The following DACH2 variants were observed in gnomAD, a reference collection of about 807,000 sequenced individuals.
DACH2 encodes the protein dachshund homolog 2.
Under a neutral mutation model 35.8 loss-of-function variants are expected in DACH2, and 17 were observed. The observed-to-expected ratio is 0.48, with a 90% CI of 0.33 to 0.71. The LOEUF (loss-of-function observed/expected upper bound fraction) is 0.71, where lower values mean the gene tolerates loss of function less well. Ranked by LOEUF, DACH2 falls within the 30% of genes least tolerant of loss-of-function variation. The probability of loss-of-function intolerance (pLI) is 0.02; values close to 1 mark genes in which losing one functional copy is unlikely to be tolerated. For synonymous variants in DACH2, 195 were observed against 177.3 expected, an observed-to-expected ratio of 1.10 and a Z score of -0.79; for missense variants, 469 against 472.7, an observed-to-expected ratio of 0.99 and a Z score of 0.07.
At position 86,308,189 on chromosome X, in the gene DACH2, G is replaced by A. The variant is rs188263237; in HGVS notation, c.489-68635G>A. Among the ~76,000 whole-genome samples the A allele has an allele frequency of 1.5e-3, 167 of 112,608 alleles. 1 individual carries two copies. The highest frequency in any genetic ancestry group is 5.1e-3 in the African/African-American group (158 of 31,049). ...CCCATGCCTTGTGAAATAGATTTAT[G>A]AGAGCAGTACTTGCATTTTTGAAGA... On this transcript the variant is annotated intron_variant, in intron 1 of 11. Transcript: ENST00000373125.
chrX:86,174,066 G>T (rs1466937358), intron 1 of DACH2, among the ~76,000 whole-genome samples: 2 of 109,786 alleles, frequency 1.8e-5, no homozygotes, highest in East Asian at 5.8e-4. Flanking sequence ...CATTTAGTTG[G>T]GGGGGAAGGT....
intron 2 of DACH2, among the ~76,000 whole-genome samples, chrX:86,466,760 T>C (rs964837000): frequency 9.9e-5 from 11 of 111,550 alleles, no homozygotes; most frequent in Non-Finnish European, 1.9e-4. Context: ...AATTCTTGAC[T>C]TCTGTGCACT....
At chrX:86,341,555 C>A (rs1325866532) in intron 1 of DACH2, among the ~76,000 whole-genome samples, 1 of 112,213 alleles carries the variant, frequency 8.9e-6, no homozygotes, top group Non-Finnish European at 1.9e-5. Context: ...ATTCTGCAGC[C>A]CATGGATCAA....
intron 1 of DACH2, among the ~76,000 whole-genome samples, chrX:86,256,955 G>T (rs1212805859): frequency 9.0e-6 from 1 of 111,432 alleles, no homozygotes; most frequent in East Asian, 2.8e-4. Flanking sequence ...TAATCCAAAG[G>T]TATTGCATTA....
intron 1 of DACH2, among the ~76,000 whole-genome samples, chrX:86,151,718 A>G (rs1438127092): frequency 1.8e-5 from 2 of 111,811 alleles, no homozygotes; most frequent in African/African-American, 6.5e-5. Flanking sequence ...TGTATACTTT[A>G]AGTTACTCCC....
At chrX:86,256,515 T>C (rs1031155245) in intron 1 of DACH2, among the ~76,000 whole-genome samples, 2 of 111,657 alleles carry the variant, frequency 1.8e-5, no homozygotes, top group African/African-American at 3.3e-5. Context: ...CAAGTACACA[T>C]GCGCGTGAGA....
intron 4 of DACH2, among the ~76,000 whole-genome samples, chrX:86,664,383 C>T (rs1331858817): frequency 1.8e-5 from 2 of 110,651 alleles, no homozygotes; most frequent in East Asian, 2.8e-4. Context: ...TGGTGTTGGT[C>T]GGGAGGAGGG....
At chrX:86,568,658 G>A (rs1273482452) in intron 3 of DACH2, among the ~76,000 whole-genome samples, 2 of 111,192 alleles carry the variant, frequency 1.8e-5, no homozygotes, top group Non-Finnish European at 3.8e-5. Context: ...TATAAGGTGT[G>A]AAGTGTCAAG....
In DACH2 at chrX:86,663,456, T is replaced by C. The variant is rs151075234; in HGVS notation, c.772+12289T>C. Among the ~76,000 whole-genome samples the C allele has an allele frequency of 7.2e-5, 8 of 111,862 alleles. No homozygotes were observed. The East Asian group carries it at 2.2e-3, about 31-fold the overall frequency. ...AATTGTAAAGCTACCCAGGGTATTA[T>C]ATTTTTGACACTTATCAGTTGTTTA... is the stretch of plus-strand genomic sequence containing the variant. On this transcript the variant is annotated intron_variant, in intron 4 of 11. Coordinates refer to ENST00000373125, the MANE Select transcript of DACH2 (RefSeq NM_053281.3).
At chrX:86,221,124 G>A (rs2032700532) in intron 1 of DACH2, among the ~76,000 whole-genome samples, 1 of 111,239 alleles carries the variant, frequency 9.0e-6, no homozygotes, top group Non-Finnish European at 1.9e-5. Context: ...ATTTCCAGGA[G>A]ATCATTGCCA....
chrX:86,548,665 A>G (rs759261356), intron 3 of DACH2, among the ~76,000 whole-genome samples: 7 of 112,222 alleles, frequency 6.2e-5, no homozygotes, highest in Non-Finnish European at 9.4e-5. Context: ...GTTAGAGAAT[A>G]CCAAAAGACA....
intron 3 of DACH2, among the ~76,000 whole-genome samples, chrX:86,542,197 C>A (rs1237109163): frequency 1.8e-5 from 2 of 111,297 alleles, no homozygotes; most frequent in Admixed American, 1.9e-4. Flanking sequence ...TTCCCTGGAA[C>A]ATGAATAAAG....
chrX:86,363,558 C>T (rs931126852), intron 1 of DACH2, among the ~76,000 whole-genome samples: 1 of 111,463 alleles, frequency 9.0e-6, no homozygotes, highest in Non-Finnish European at 1.9e-5. Context: ...CAAAAGTTTG[C>T]TATAAAGACA....
intron 1 of DACH2, among the ~76,000 whole-genome samples, chrX:86,270,025 A>T (rs867627375): frequency 5.2e-5 from 5 of 95,388 alleles, no homozygotes; most frequent in African/African-American, 1.7e-4. Context: ...TATATATATT[A>T]TATATATATA....
intron 4 of DACH2, among the ~76,000 whole-genome samples, chrX:86,667,325 G>GGAAA (rs1432968171): frequency 1.7e-3 from 115 of 67,635 alleles, no homozygotes; most frequent in Non-Finnish European, 3.0e-3. Context: ...AAGGAAGGAA[G>GGAAA]GAAGGAAGGA....
Position 86,509,058 on chromosome X carries a change from A to G in DACH2, c.528-5221A>G, listed in dbSNP as rs185601212. On this transcript the variant is annotated intron_variant, in intron 2 of 11. Transcript: ENST00000373125. ...TAACATTTTAATGCATGACCCATTG[A>G]CAAGTGGAGGTTTTCCTTCATCCCC... Among the ~76,000 whole-genome samples the G allele has an allele frequency of 1.5e-3, 168 of 111,864 alleles. 1 individual carries two copies. The highest frequency in any genetic ancestry group is 5.2e-3 in the African/African-American group (160 of 30,852).
At chrX:86,694,424 T>G (rs2041043817) in intron 4 of DACH2, among the ~76,000 whole-genome samples, 1 of 112,030 alleles carries the variant, frequency 8.9e-6, no homozygotes, top group South Asian at 3.6e-4. Context: ...TATTCTGCAT[T>G]TATACACACT....
At chrX:86,513,056 T>C (rs1464549630) in intron 2 of DACH2, 2 of 212,596 alleles carry the variant, frequency 9.4e-6, no homozygotes, top group African/African-American at 5.8e-5. Flanking sequence ...AAAAATGAAC[T>C]GGGTAACGAT....
intron 7 of DACH2, among the ~76,000 whole-genome samples, chrX:86,759,227 C>T: frequency 8.9e-6 from 1 of 111,904 alleles, no homozygotes; most frequent in Middle Eastern, 4.6e-3. Context: ...AAATCCCTTA[C>T]TCTTATTGTA....
Sources: allele counts gnomAD v4.1 joint callset (sites outside exome capture counted in the v4.1 genomes callset), GRCh38; gene constraint gnomAD v4.1.1; transcripts MANE v1.5; gene names NCBI Gene and HGNC (gene_info 2026-07-23, HGNC 2026-07-21).